Variants in MYT1L observed in about 807,000 individuals in gnomAD.
MYT1L encodes the protein myelin transcription factor 1 like.
A neutral mutation model predicts 126.7 loss-of-function variants in MYT1L; 12 were observed. The observed-to-expected ratio is 0.09, with a 90% CI of 0.06 to 0.15. The LOEUF (loss-of-function observed/expected upper bound fraction) is 0.15. MYT1L is among the 10% of genes least tolerant of loss of function. The probability of loss-of-function intolerance (pLI) is 1.00; values close to 1 mark genes in which losing one functional copy is unlikely to be tolerated. For missense variants in MYT1L, 979 were observed against 1,585.2 expected (o/e 0.62, Z 6.49); for synonymous variants, 541 against 604.2 (o/e 0.90, Z 1.53).
At chr2:1,886,331 G>A in intron 18 of MYT1L, 2 of 416,172 alleles carry the variant, frequency 4.8e-6, no homozygotes, top group East Asian at 3.6e-5. Flanking sequence ...GAACAAGCTG[G>A]AGGTATGTCA....
At position 1,943,478 on chromosome 2, in the gene MYT1L, A is replaced by G. The variant is rs2056893424; in HGVS notation, c.153-144T>C. 6.2e-6 allele frequency: 6 copies of G among 969,612 alleles called. No homozygotes were observed. In the South Asian group the frequency reaches 9.4e-5, roughly 15 times the overall value. 60.1% of individuals were successfully genotyped at this position (969,612 alleles called of 1,614,324 possible). A position where few individuals can be genotyped will look rare whatever the true frequency, so the allele number is the denominator to read the frequency against. Reference sequence around the variant, plus strand: ...TCATCAGCACAAACACCAGAGAGACATAACATACATGTTCCCCGAAGTGTG... The same window carrying G: ...TCATCAGCACAAACACCAGAGAGACGTAACATACATGTTCCCCGAAGTGTG... On this transcript the variant is annotated intron_variant, in intron 8 of 24. Coordinates refer to ENST00000647738, the MANE Select transcript of MYT1L (RefSeq NM_001303052.2). This position sits in a 1 kb window ranked among gnomAD's most constrained non-coding sequence, Gnocchi z 4.4.
intron 1 of MYT1L, among the ~76,000 whole-genome samples, chr2:2,309,370 C>G (rs983251698): frequency 6.6e-6 from 1 of 151,758 alleles, no homozygotes; most frequent in South Asian, 2.1e-4. Context: ...TCTCCATCTA[C>G]ACTTCAGTAT....
At chr2:2,078,541 C>G (rs144745220) in intron 3 of MYT1L, among the ~76,000 whole-genome samples, 3 of 152,060 alleles carry the variant, frequency 2.0e-5, no homozygotes, top group Non-Finnish European at 4.4e-5. Flanking sequence ...AGTGACTGCA[C>G]TAGTATCAGA....
At chr2:2,184,567 A>T (rs1039007902) in intron 2 of MYT1L, among the ~76,000 whole-genome samples, 1 of 152,198 alleles carries the variant, frequency 6.6e-6, no homozygotes, top group African/African-American at 2.4e-5. Context: ...AAAAATCTCC[A>T]GGCAAAAATA....
At chr2:2,177,381 G>A (rs536919054) in intron 2 of MYT1L, among the ~76,000 whole-genome samples, 2 of 152,194 alleles carry the variant, frequency 1.3e-5, no homozygotes, top group East Asian at 3.8e-4. Flanking sequence ...GGCAATCTAA[G>A]ACTGACCTAT....
intron 3 of MYT1L, among the ~76,000 whole-genome samples, chr2:2,054,560 G>A (rs1273351431): frequency 6.6e-6 from 1 of 152,108 alleles, no homozygotes; most frequent in Non-Finnish European, 1.5e-5. Context: ...TGAGACAGAT[G>A]CAGATGAAAC....
intron 2 of MYT1L, among the ~76,000 whole-genome samples, chr2:2,190,555 TAAAA>T (rs777939174): frequency 4.6e-5 from 5 of 108,438 alleles, no homozygotes; most frequent in Admixed American, 2.1e-4. Context: ...CAAGACCTGT[TAAAA>T]AAAAAAAAAA....
intron 8 of MYT1L, among the ~76,000 whole-genome samples, chr2:1,957,196 G>A (rs886724044): frequency 1.2e-4 from 19 of 152,204 alleles, no homozygotes; most frequent in African/African-American, 4.6e-4. Flanking sequence ...GTGAGTGCAT[G>A]TCTATCCATC....
intron 3 of MYT1L, among the ~76,000 whole-genome samples, chr2:2,068,775 T>TG (rs1558912234): frequency 7.6e-6 from 1 of 131,120 alleles, no homozygotes; most frequent in African/African-American, 2.8e-5. Flanking sequence ...TCTTGTTTTT[T>TG]TTTTTTTTTT....
intron 3 of MYT1L, among the ~76,000 whole-genome samples, chr2:2,156,183 C>T (rs921692564): frequency 1.3e-5 from 2 of 152,062 alleles, no homozygotes; most frequent in East Asian, 3.9e-4. Flanking sequence ...TTGGAATATC[C>T]CGGCTGGGAA....
At chr2:1,871,711 T>C (rs1433877790) in intron 18 of MYT1L, among the ~76,000 whole-genome samples, 1 of 152,142 alleles carries the variant, frequency 6.6e-6, no homozygotes, top group East Asian at 1.9e-4. Context: ...CTTCAGGGCC[T>C]GGCACAATAA....
rs977565566 is a variant in MYT1L at position 1,793,499 on chromosome 2, G to A, written c.3277-1035C>T. Reference sequence around the variant, plus strand: ...ACGTGTCATTCCTAAGTCCTCTCACGAGAGTCTCTCCTCCTCTCCCTGTCG... The same window carrying A: ...ACGTGTCATTCCTAAGTCCTCTCACAAGAGTCTCTCCTCCTCTCCCTGTCG... On this transcript the variant is annotated intron_variant, in intron 23 of 24. Coordinates refer to ENST00000647738, the MANE Select transcript of MYT1L (RefSeq NM_001303052.2). The surrounding 1 kb of genome is among the most constrained non-coding windows in gnomAD (Gnocchi z 4.6). Among the ~76,000 whole-genome samples, 1 of 152,266 alleles carries A rather than the reference G, an allele frequency of 6.6e-6. No homozygotes were observed. Among genetic ancestry groups the A allele is most frequent in the East Asian group, 1.9e-4 (1 of 5,156 alleles).
Position 2,073,707 on chromosome 2 carries a change from C to T in MYT1L, c.-303-19584G>A, listed in dbSNP as rs536346480. Among the ~76,000 whole-genome samples, 27 of 152,306 alleles carry T rather than the reference C, an allele frequency of 1.8e-4. No homozygotes were observed. The South Asian group carries it at 5.4e-3, about 30-fold the overall frequency. Reference sequence around the variant, plus strand: ...GGTGACTCCCACTTTTAAGGAACCCCTGCATGTTCTGTGTTGTGAGGCTCC... The same window carrying T: ...GGTGACTCCCACTTTTAAGGAACCCTTGCATGTTCTGTGTTGTGAGGCTCC... On this transcript the variant is annotated intron_variant, in intron 3 of 24. Coordinates refer to ENST00000647738, the MANE Select transcript of MYT1L (RefSeq NM_001303052.2).
At chr2:2,163,788 G>A (rs1270562059) in intron 3 of MYT1L, among the ~76,000 whole-genome samples, 1 of 151,596 alleles carries the variant, frequency 6.6e-6, no homozygotes, top group South Asian at 2.1e-4. Flanking sequence ...AAAAGACTTC[G>A]ACCTCCTGTG....
intron 1 of MYT1L, among the ~76,000 whole-genome samples, chr2:2,316,818 A>T (rs563157728): frequency 3.3e-4 from 49 of 150,172 alleles, no homozygotes; most frequent in South Asian, 6.4e-4. Flanking sequence ...TTATTTATTT[A>T]TTTTTTTTTC....
At chr2:1,861,457 C>T (rs1418229060) in intron 18 of MYT1L, among the ~76,000 whole-genome samples, 4 of 151,214 alleles carry the variant, frequency 2.6e-5, no homozygotes, top group East Asian at 1.9e-4. Context: ...CCTTTACATT[C>T]GTGTTATTTT....
At chr2:2,093,684 CTTTAG>C (rs1283581422) in intron 3 of MYT1L, among the ~76,000 whole-genome samples, 1 of 152,226 alleles carries the variant, frequency 6.6e-6, no homozygotes, top group African/African-American at 2.4e-5. Flanking sequence ...TGCAGAAGCT[CTTTAG>C]TTTAATTAGA....
intron 3 of MYT1L, among the ~76,000 whole-genome samples, chr2:2,082,182 A>C (rs192087028): frequency 2.0e-5 from 3 of 152,222 alleles, no homozygotes; most frequent in Admixed American, 6.5e-5. Context: ...ATGTGTGTAT[A>C]GCATAAGACA....
Position 1,789,726 on chromosome 2 carries a change from G to A in MYT1L, c.*2141C>T, listed in dbSNP as rs946735995. The A allele has an allele frequency of 6.6e-6, 1 of 152,164 alleles. No homozygotes were observed. Among genetic ancestry groups the A allele is most frequent in the Non-Finnish European group, 1.5e-5 (1 of 68,028 alleles). 9.4% of individuals were successfully genotyped at this position (152,164 alleles called of 1,614,324 possible). A position where few individuals can be genotyped will look rare whatever the true frequency, so the allele number is the denominator to read the frequency against. On this transcript the variant is annotated 3_prime_UTR_variant, in exon 25 of 25. Coordinates refer to ENST00000647738, the MANE Select transcript of MYT1L (RefSeq NM_001303052.2). ...GGCCCTAAAGGCAGCTGGGGCCCTGGGCCACACGGACGGCCTCAGGTGACT... is the reference window on the plus strand; with the variant it reads ...GGCCCTAAAGGCAGCTGGGGCCCTGAGCCACACGGACGGCCTCAGGTGACT...
Sources: gnomAD v4.1 joint callset for allele counts (sites outside exome capture counted in the v4.1 genomes callset) on GRCh38, gnomAD v4.1.1 for gene constraint, Gnocchi (gnomAD v3.1) non-coding constraint, MANE v1.5 for transcripts, NCBI Gene and HGNC (gene_info 2026-07-23, HGNC 2026-07-21) for gene names.